The following FAM241A variants were observed in gnomAD, a reference collection of about 807,000 sequenced individuals.
FAM241A encodes the protein uncharacterized protein FAM241A.
In FAM241A, 7 loss-of-function variants were observed where a neutral mutation model predicts 12.2. That is an observed-to-expected ratio of 0.58 (90% CI 0.33 to 1.08). FAM241A has a LOEUF of 1.08. Among genes scored for constraint, FAM241A ranks in the 50% least tolerant of loss-of-function variants. FAM241A has a pLI of 0.04. For synonymous variants in FAM241A, 74 were observed against 68.2 expected, an observed-to-expected ratio of 1.08 and a Z score of -0.42; for missense variants, 161 against 169.7, an observed-to-expected ratio of 0.95 and a Z score of 0.29.
intron 1 of FAM241A, among the ~76,000 whole-genome samples, chr4:112,154,527 C>T (rs1459124079): frequency 3.3e-5 from 5 of 152,240 alleles, no homozygotes; most frequent in South Asian, 2.1e-4. Flanking sequence ...CTTGGCCTTC[C>T]GAAGTGCTGG....
chr4:112,171,687 G>A (rs566184041), intron 1 of FAM241A, among the ~76,000 whole-genome samples: 2 of 152,164 alleles, frequency 1.3e-5, no homozygotes, highest in East Asian at 1.9e-4. Flanking sequence ...GTGAAACCTC[G>A]TCTCTACTAA....
chr4:112,151,479 C>G (rs771527225), intron 1 of FAM241A, among the ~76,000 whole-genome samples: 8 of 152,142 alleles, frequency 5.3e-5, no homozygotes, highest in Admixed American at 2.6e-4. Context: ...AAGTATTCCT[C>G]AACTTCAGTG....
At chr4:112,157,287 CAG>C (rs1723374263) in intron 1 of FAM241A, among the ~76,000 whole-genome samples, 1 of 152,102 alleles carries the variant, frequency 6.6e-6, no homozygotes, top group Non-Finnish European at 1.5e-5. Flanking sequence ...TTCACTGGAA[CAG>C]AGTTTATTCC....
In FAM241A at chr4:112,186,807, A is replaced by T. The variant is rs1271500055; in HGVS notation, c.268A>T (p.Met90Leu). Reference protein sequence around the residue: ...KNLINMGFTRMYFGERIVEPV... With the variant: ...KNLINMGFTRLYFGERIVEPV... ...CCTTATCAACATGGGCTTCACAAGG[A>T]TGTATTTTGGAGAACGAATAGTGGA... Residue 90 changes from methionine to leucine, a missense_variant, in exon 2 of 2, where the codon ATG becomes TTG. Physicochemically the swap from Met to Leu is conservative, Grantham distance 15 (BLOSUM62 2). Coordinates refer to ENST00000309733, the MANE Select transcript of FAM241A (RefSeq NM_152400.3). 6.2e-7 allele frequency: 1 copy of T among 1,613,828 alleles called. No homozygotes were observed. Among genetic ancestry groups the T allele is most frequent in the Non-Finnish European group, 8.5e-7 (1 of 1,179,992 alleles).
At chr4:112,149,990 TCA>T (rs1419083767) in intron 1 of FAM241A, among the ~76,000 whole-genome samples, 3 of 152,132 alleles carry the variant, frequency 2.0e-5, no homozygotes, top group Admixed American at 6.6e-5. Flanking sequence ...CACACACCAC[TCA>T]CATGTATACA....
intron 1 of FAM241A, among the ~76,000 whole-genome samples, chr4:112,171,903 A>C (rs1049564072): frequency 6.6e-6 from 1 of 152,160 alleles, no homozygotes; most frequent in Admixed American, 6.5e-5. Flanking sequence ...GTTTATATTC[A>C]AAAAAAGTAT....
chr4:112,187,035 G>T lies in FAM241A; in HGVS notation c.*97G>T. On this transcript the variant is annotated 3_prime_UTR_variant, in exon 2 of 2. Transcript: ENST00000309733. ...TTTGACAACCGAAAAAGTTTGCCTT[G>T]TTTCAAATCATGTGCTGGCTGTTTT... 2.9e-6 allele frequency: 4 copies of T among 1,396,534 alleles called. No homozygotes were observed. Among genetic ancestry groups the T allele is most frequent in the Non-Finnish European group, 3.9e-6 (4 of 1,026,308 alleles). 86.5% of individuals were successfully genotyped at this position (1,396,534 alleles called of 1,614,324 possible).
At chr4:112,183,293 A>G (rs1376543227) in intron 1 of FAM241A, among the ~76,000 whole-genome samples, 1 of 151,998 alleles carries the variant, frequency 6.6e-6, no homozygotes, top group Non-Finnish European at 1.5e-5. Context: ...ATAATTAAAA[A>G]AAAAGAAGAA....
chr4:112,154,454 G>A (rs557812878), intron 1 of FAM241A, among the ~76,000 whole-genome samples: 1 of 152,082 alleles, frequency 6.6e-6, no homozygotes, highest in East Asian at 1.9e-4. Context: ...TTTTAGTAGA[G>A]ATGGAGTTTT....
rs1176302617 is a variant in FAM241A, at chr4:112,187,861, C to A, written c.*923C>A. 6.6e-6 allele frequency: 1 copy of A among 151,804 alleles called. No homozygotes were observed. Among genetic ancestry groups the A allele is most frequent in the Non-Finnish European group, 1.5e-5 (1 of 67,902 alleles). The allele number at this position is 151,804 out of a possible 1,614,324, so 9.4% of individuals were successfully genotyped here. ...TTTCCTATCTTGACATGGATTTTTTCACAAAAAATTTGTATTTTACTGTTG... is the reference window on the plus strand; with the variant it reads ...TTTCCTATCTTGACATGGATTTTTTAACAAAAAATTTGTATTTTACTGTTG... On this transcript the variant is annotated 3_prime_UTR_variant, in exon 2 of 2. Coordinates refer to ENST00000309733, the MANE Select transcript of FAM241A (RefSeq NM_152400.3).
At chr4:112,178,347 C>CT (rs562338448) in intron 1 of FAM241A, among the ~76,000 whole-genome samples, 1 of 152,118 alleles carries the variant, frequency 6.6e-6, no homozygotes, top group East Asian at 1.9e-4. Flanking sequence ...ATACAGAGAA[C>CT]TTTTAATTTG....
At chr4:112,153,503 T>C (rs1389177921) in intron 1 of FAM241A, among the ~76,000 whole-genome samples, 2 of 152,240 alleles carry the variant, frequency 1.3e-5, no homozygotes, top group Admixed American at 1.3e-4. Flanking sequence ...TCCTACTAGT[T>C]ATGTTTTATT....
chr4:112,166,046 AT>A (rs34666622), intron 1 of FAM241A, among the ~76,000 whole-genome samples: 4,084 of 137,530 alleles, frequency 0.03, 94 homozygotes, highest in East Asian at 0.15. Flanking sequence ...TGTACTCAGA[AT>A]TTTTTTTTTT....
intron 1 of FAM241A, among the ~76,000 whole-genome samples, chr4:112,174,204 C>T (rs1030541746): frequency 1.3e-5 from 2 of 152,214 alleles, no homozygotes; most frequent in African/African-American, 2.4e-5. Flanking sequence ...CGGAGGCCCA[C>T]CTTCCCCTCC....
At chr4:112,181,495 T>C (rs1723941824) in intron 1 of FAM241A, among the ~76,000 whole-genome samples, 1 of 152,220 alleles carries the variant, frequency 6.6e-6, no homozygotes, top group Admixed American at 6.5e-5. Context: ...TCAGAGGATA[T>C]CAGTGGCCAG....
Position 112,187,898 on chromosome 4 carries a change from AAAATC to A in FAM241A, c.*962_*966del, listed in dbSNP as rs1312578232. On this transcript the variant is annotated 3_prime_UTR_variant, in exon 2 of 2. Transcript: ENST00000309733. ...GTATTTTACTGTTGTTTTCAGGAAA[AAAATC>A]AGATCATTTTTCTTTGATATCTATA... is the stretch of plus-strand genomic sequence containing the variant. 6.6e-6 allele frequency: 1 copy of A among 150,862 alleles called. No homozygotes were observed. The highest frequency in any genetic ancestry group is 1.5e-5 in the Non-Finnish European group (1 of 67,526). 9.3% of individuals were successfully genotyped at this position (150,862 alleles called of 1,614,324 possible). A position where few individuals can be genotyped will look rare whatever the true frequency, so the allele number is the denominator to read the frequency against.
At chr4:112,180,339 T>C (rs1560585564) in intron 1 of FAM241A, among the ~76,000 whole-genome samples, 1 of 152,042 alleles carries the variant, frequency 6.6e-6, no homozygotes, top group Non-Finnish European at 1.5e-5. Context: ...CACATGTGCC[T>C]CCTGTATCTA....
chr4:112,162,074 A>G (rs1723483600), intron 1 of FAM241A, among the ~76,000 whole-genome samples: 1 of 152,230 alleles, frequency 6.6e-6, no homozygotes, highest in East Asian at 1.9e-4. Flanking sequence ...GATTATCTCA[A>G]GAGATGCAGA....
intron 1 of FAM241A, among the ~76,000 whole-genome samples, chr4:112,181,515 A>G (rs1478453623): frequency 6.6e-6 from 1 of 152,228 alleles, no homozygotes; most frequent in Non-Finnish European, 1.5e-5. Flanking sequence ...GCAAAAATAA[A>G]TACTGTTCCT....
Sources: gnomAD v4.1 joint callset for allele counts (sites outside exome capture counted in the v4.1 genomes callset) on GRCh38, gnomAD v4.1.1 for gene constraint, MANE v1.5 for transcripts, NCBI Gene and HGNC (gene_info 2026-07-23, HGNC 2026-07-21) for gene names.